Variants in TMEM232 observed in about 807,000 individuals in gnomAD.
TMEM232 encodes the protein transmembrane protein 232.
Under a neutral mutation model 78.8 loss-of-function variants are expected in TMEM232, and 80 were observed. The observed-to-expected ratio is 1.01, with a 90% CI of 0.85 to 1.22. TMEM232 has a LOEUF of 1.22. TMEM232 is among the 50% of genes most tolerant of loss of function. TMEM232 has a pLI of 0.00. For missense variants in TMEM232, 881 were observed against 742.2 expected (o/e 1.19, Z -2.17); for synonymous variants, 297 against 254.3 (o/e 1.17, Z -1.60).
At chr5:110,640,286 T>C (rs1786486475) in intron 4 of TMEM232, among the ~76,000 whole-genome samples, 1 of 152,162 alleles carries the variant, frequency 6.6e-6, no homozygotes, top group South Asian at 2.1e-4. Context: ...CTAATTTACA[T>C]GGGGGAAATT....
At chr5:110,413,449 C>T (rs929173890) in intron 2 of TMEM232, among the ~76,000 whole-genome samples, 12 of 152,156 alleles carry the variant, frequency 7.9e-5, no homozygotes, top group African/African-American at 2.9e-4. Flanking sequence ...TGGGACTTCA[C>T]CTTCTGATCG....
intron 12 of TMEM232, among the ~76,000 whole-genome samples, chr5:110,449,044 T>G (rs569657117): frequency 1.3e-5 from 2 of 152,086 alleles, no homozygotes; most frequent in South Asian, 2.1e-4. Context: ...TACATGAGAC[T>G]GTTGAAACAA....
intron 7 of TMEM232, among the ~76,000 whole-genome samples, chr5:110,621,099 G>C (rs1419691492): frequency 6.6e-6 from 1 of 151,772 alleles, no homozygotes; most frequent in African/African-American, 2.4e-5. Context: ...CTGACCTCAA[G>C]TGATGCACCC....
intron 12 of TMEM232, among the ~76,000 whole-genome samples, chr5:110,488,278 A>G (rs1313640011): frequency 1.3e-5 from 2 of 151,968 alleles, no homozygotes; most frequent in Non-Finnish European, 2.9e-5. Context: ...TGGGCTATCA[A>G]TTTTATTTAT....
intron 11 of TMEM232, among the ~76,000 whole-genome samples, chr5:110,532,956 G>T (rs2149545405): frequency 6.6e-6 from 1 of 152,262 alleles, no homozygotes; most frequent in South Asian, 2.1e-4. Flanking sequence ...AACCAGACAA[G>T]GTTTACAAGT....
At chr5:110,437,987 G>T (rs1580680528) in intron 12 of TMEM232, among the ~76,000 whole-genome samples, 2 of 152,050 alleles carry the variant, frequency 1.3e-5, no homozygotes, top group South Asian at 4.1e-4. Flanking sequence ...GGTTTTCAGT[G>T]GATAAGGTAG....
intron 12 of TMEM232, among the ~76,000 whole-genome samples, chr5:110,523,052 A>G (rs1395362292): frequency 6.6e-6 from 1 of 152,136 alleles, no homozygotes; most frequent in African/African-American, 2.4e-5. Flanking sequence ...CATCACTGGG[A>G]AGTTTTTTAT....
intron 1 of TMEM232, among the ~76,000 whole-genome samples, chr5:110,681,948 T>C (rs1344503282): frequency 6.6e-6 from 1 of 152,148 alleles, no homozygotes; most frequent in East Asian, 1.9e-4. Context: ...TTCATGATAT[T>C]TCATAGTCTT....
intron 11 of TMEM232, among the ~76,000 whole-genome samples, chr5:110,559,943 T>C (rs1422662967): frequency 6.6e-6 from 1 of 152,164 alleles, no homozygotes; most frequent in Non-Finnish European, 1.5e-5. Context: ...CATGGCTCTA[T>C]CCCTGTGTCT....
At chr5:110,587,851 A>G (rs1470248839) in intron 10 of TMEM232, among the ~76,000 whole-genome samples, 1 of 150,906 alleles carries the variant, frequency 6.6e-6, no homozygotes, top group East Asian at 1.9e-4. Flanking sequence ...TAACTTCTGT[A>G]TATGTATATA....
chr5:110,652,294 G>GCGCGCGCGCACACACACA (rs1554069154), intron 2 of TMEM232, among the ~76,000 whole-genome samples: 4 of 145,450 alleles, frequency 2.8e-5, no homozygotes, highest in African/African-American at 1.0e-4. Context: ...GCACGCGCGC[G>GCGCGCGCGCACACACACA]CACACACACA....
intron 10 of TMEM232, among the ~76,000 whole-genome samples, chr5:110,604,905 G>A (rs1781353532): frequency 1.3e-5 from 2 of 152,098 alleles, no homozygotes; most frequent in African/African-American, 2.4e-5. Flanking sequence ...ACAGTGAGCA[G>A]GGATCACGCC....
At chr5:110,476,406 C>A (rs891758524) in intron 12 of TMEM232, among the ~76,000 whole-genome samples, 4 of 151,854 alleles carry the variant, frequency 2.6e-5, no homozygotes, top group Admixed American at 1.3e-4. Context: ...GAAAAGGACT[C>A]CAGAGGAAAA....
At chr5:110,619,448 C>G (rs1783359659) in intron 7 of TMEM232, among the ~76,000 whole-genome samples, 2 of 152,112 alleles carry the variant, frequency 1.3e-5, no homozygotes, top group African/African-American at 4.8e-5. Flanking sequence ...GTGTATTTAT[C>G]TACTTTATGT....
At chr5:110,620,621 CTCTCTCTCTCTCT>C (rs1783552542) in intron 7 of TMEM232, among the ~76,000 whole-genome samples, 3 of 117,264 alleles carry the variant, frequency 2.6e-5, no homozygotes, top group African/African-American at 3.8e-5. Context: ...CTCTCTCTCT[CTCTCTCTCTCTCT>C]CTCTCCTCTC....
chr5:110,642,127 T>C (rs1024089328), intron 3 of TMEM232, 133 bp downstream of exon 3: 1 of 520,280 alleles, frequency 1.9e-6, no homozygotes, highest in African/African-American at 2.0e-5. Flanking sequence ...TTTGCATTAA[T>C]ATTTTAACTA....
At chr5:110,668,181 T>C (rs985365033) in intron 1 of TMEM232, among the ~76,000 whole-genome samples, 3 of 152,062 alleles carry the variant, frequency 2.0e-5, no homozygotes, top group African/African-American at 7.2e-5. Flanking sequence ...CCCAAATACA[T>C]GGGCAGAACT....
At chr5:110,418,683 G>A (rs1756372061), downstream of TMEM232, among the ~76,000 whole-genome samples, 1 of 152,070 alleles carries the variant, frequency 6.6e-6, no homozygotes, top group Non-Finnish European at 1.5e-5. Context: ...TAAGAAAATC[G>A]TGGAAGTAAG....
intron 12 of TMEM232, among the ~76,000 whole-genome samples, chr5:110,448,928 G>A (rs1437578154): frequency 6.6e-6 from 1 of 151,674 alleles, no homozygotes; most frequent in Non-Finnish European, 1.5e-5. Context: ...ACAAAAAGAT[G>A]GAACACAAGA....
Sources: gnomAD v4.1 joint callset for allele counts (sites outside exome capture counted in the v4.1 genomes callset) on GRCh38, gnomAD v4.1.1 for gene constraint, MANE v1.5 for transcripts, NCBI Gene and HGNC (gene_info 2026-07-23, HGNC 2026-07-21) for gene names.